PLPP4: variants seen among roughly 807,000 people sequenced by gnomAD.
PLPP4 encodes the protein diacylglycerol pyrophosphate like 2.
A neutral mutation model predicts 32.2 loss-of-function variants in PLPP4; 20 were observed. The observed-to-expected ratio is 0.62, with a 90% CI of 0.44 to 0.90. The LOEUF is 0.90. Ranked by LOEUF, PLPP4 falls within the 40% of genes least tolerant of loss-of-function variation. PLPP4 has a pLI of 0.00. For missense variants in PLPP4, 257 were observed against 353.1 expected, an observed-to-expected ratio of 0.73 and a Z score of 2.18; for synonymous variants, 127 against 133.0, an observed-to-expected ratio of 0.95 and a Z score of 0.31.
At chr10:120,516,417 T>C (rs189608815) in intron 3 of PLPP4, among the ~76,000 whole-genome samples, 10 of 152,332 alleles carry the variant, frequency 6.6e-5, no homozygotes, top group Admixed American at 2.0e-4. Flanking sequence ...GTTTGCCCCA[T>C]GCAGCATTGG....
At chr10:120,495,635 A>G (rs931012587) in intron 1 of PLPP4, among the ~76,000 whole-genome samples, 7 of 150,996 alleles carry the variant, frequency 4.6e-5, no homozygotes, top group South Asian at 2.1e-4. Context: ...AAGTGTTACT[A>G]TTTTTTTTTC....
At chr10:120,558,494 C>CA (rs1848267506) in intron 5 of PLPP4, among the ~76,000 whole-genome samples, 1 of 150,818 alleles carries the variant, frequency 6.6e-6, no homozygotes, top group Admixed American at 6.6e-5. Context: ...CTGCGACCTG[C>CA]AACCTCCACC....
intron 1 of PLPP4, among the ~76,000 whole-genome samples, chr10:120,498,827 A>G (rs1227649460): frequency 1.3e-5 from 2 of 151,990 alleles, no homozygotes; most frequent in African/African-American, 2.4e-5. Flanking sequence ...CACCCAGCTA[A>G]TTTTTTGTTT....
intron 3 of PLPP4, among the ~76,000 whole-genome samples, chr10:120,515,077 G>A (rs543273897): frequency 7.2e-5 from 11 of 152,276 alleles, no homozygotes; most frequent in African/African-American, 2.2e-4. Flanking sequence ...CACAGAGAAC[G>A]CTTCCTATAT....
intron 6 of PLPP4, among the ~76,000 whole-genome samples, chr10:120,579,682 C>G (rs911606731): frequency 6.6e-6 from 1 of 152,090 alleles, no homozygotes; most frequent in African/African-American, 2.4e-5. Flanking sequence ...CTCTTGAGTT[C>G]TCCTTCCTTT....
At chr10:120,465,349 G>C (rs546380681) in intron 1 of PLPP4, among the ~76,000 whole-genome samples, 1 of 152,322 alleles carries the variant, frequency 6.6e-6, no homozygotes, top group East Asian at 1.9e-4. Flanking sequence ...GGGCGAGTGA[G>C]AGGAGGCTGA....
chr10:120,506,521 ATTC>A (rs1037657177), intron 2 of PLPP4, among the ~76,000 whole-genome samples: 3 of 152,220 alleles, frequency 2.0e-5, no homozygotes, highest in African/African-American at 7.2e-5. Flanking sequence ...ACATAAAAAA[ATTC>A]TTGGGGTCTC....
At chr10:120,551,819 C>T (rs560123891) in intron 5 of PLPP4, among the ~76,000 whole-genome samples, 1 of 152,242 alleles carries the variant, frequency 6.6e-6, no homozygotes, top group East Asian at 1.9e-4. Flanking sequence ...GACTTATGCA[C>T]CTTGGACACT....
At chr10:120,475,461 A>G (rs892850036) in intron 1 of PLPP4, among the ~76,000 whole-genome samples, 11 of 152,172 alleles carry the variant, frequency 7.2e-5, no homozygotes, top group African/African-American at 2.7e-4. Flanking sequence ...GAATGCAGCT[A>G]TGTTTCTAGA....
In PLPP4 at chr10:120,488,493, A is replaced by G. The variant is rs1329115629; in HGVS notation, c.57-15325A>G. Among the ~76,000 whole-genome samples, 3 of 152,242 alleles carry G rather than the reference A, an allele frequency of 2.0e-5. No homozygotes were observed. In the East Asian group the frequency reaches 5.8e-4, roughly 29 times the overall value. On this transcript the variant is annotated intron_variant, in intron 1 of 6. Transcript: ENST00000398250. Reference sequence around the variant, plus strand: ...TTTCAGAATTCGTGCTTTTCATTTAACTATCTTGCCATACTGCAAGTGCAT... The same window carrying G: ...TTTCAGAATTCGTGCTTTTCATTTAGCTATCTTGCCATACTGCAAGTGCAT...
At chr10:120,556,484 G>C (rs936594035) in intron 5 of PLPP4, among the ~76,000 whole-genome samples, 3 of 152,196 alleles carry the variant, frequency 2.0e-5, no homozygotes, top group Admixed American at 1.3e-4. Flanking sequence ...AGGCCACATG[G>C]TGTGGACAAG....
intron 5 of PLPP4, among the ~76,000 whole-genome samples, chr10:120,559,100 C>T (rs1848299685): frequency 6.6e-6 from 1 of 152,202 alleles, no homozygotes; most frequent in African/African-American, 2.4e-5. Context: ...CTGATGACTA[C>T]TGAGCTAGAT....
chr10:120,546,522 C>T (rs977245778), intron 5 of PLPP4, among the ~76,000 whole-genome samples: 6 of 152,146 alleles, frequency 3.9e-5, no homozygotes, highest in African/African-American at 1.2e-4. Flanking sequence ...AACCAGTTTG[C>T]ATTTTCTCTC....
At chr10:120,502,446 A>T (rs971987914) in intron 1 of PLPP4, among the ~76,000 whole-genome samples, 2 of 152,142 alleles carry the variant, frequency 1.3e-5, no homozygotes, top group Admixed American at 1.3e-4. Context: ...AGTCAGGCTG[A>T]TCAAAGTGAG....
At chr10:120,493,812 G>A (rs1395184719) in intron 1 of PLPP4, among the ~76,000 whole-genome samples, 1 of 152,110 alleles carries the variant, frequency 6.6e-6, no homozygotes, top group African/African-American at 2.4e-5. Flanking sequence ...TGAGATCAAC[G>A]GCAGCTTACT....
At position 120,565,491 on chromosome 10, in the gene PLPP4, C is replaced by T. The variant is rs78254438; in HGVS notation, c.446-9640C>T. On this transcript the variant is annotated intron_variant, in intron 5 of 6. Transcript: ENST00000398250. ...TCTGAACTTTGATGATATTATTTCA[C>T]TGGCTTCTAGCTTTGATTTTTTGGA... is the stretch of plus-strand genomic sequence containing the variant. 4.2e-3 allele frequency among the ~76,000 whole-genome samples: 641 copies of T among 152,312 alleles called. 28 individuals carry two copies. In the East Asian group the frequency reaches 0.11, roughly 26 times the overall value.
At chr10:120,574,500 C>T (rs1477587094) in intron 5 of PLPP4, among the ~76,000 whole-genome samples, 2 of 152,152 alleles carry the variant, frequency 1.3e-5, no homozygotes, top group Non-Finnish European at 2.9e-5. Flanking sequence ...TCAGAAAAAA[C>T]AATAACCATT....
intron 2 of PLPP4, 22 bp downstream of exon 2, chr10:120,503,948 C>T (rs1845383946): frequency 1.4e-6 from 2 of 1,452,730 alleles, no homozygotes; most frequent in Non-Finnish European, 1.9e-6. Context: ...GATTTCATTC[C>T]TTATTTGACT....
intron 6 of PLPP4, among the ~76,000 whole-genome samples, chr10:120,580,115 CAAAA>C (rs10609637): frequency 8.7e-5 from 8 of 91,564 alleles, no homozygotes; most frequent in East Asian, 3.4e-4. Flanking sequence ...GCGAGACTCT[CAAAA>C]AAAAAAAAAA....
Sources: gnomAD v4.1 joint callset for allele counts (sites outside exome capture counted in the v4.1 genomes callset) on GRCh38, gnomAD v4.1.1 for gene constraint, MANE v1.5 for transcripts, NCBI Gene and HGNC (gene_info 2026-07-23, HGNC 2026-07-21) for gene names.